Variants in PUS7 observed in about 807,000 individuals in gnomAD.
PUS7 encodes the protein pseudouridylate synthase 7 homolog.
PUS7 carries 48 observed loss-of-function variants against 79.8 expected under a neutral mutation model. That is an observed-to-expected ratio of 0.60 (90% CI 0.48 to 0.76). The LOEUF is 0.76. PUS7 is among the 30% of genes least tolerant of loss of function. The pLI, the probability that PUS7 is intolerant of heterozygous loss-of-function variation, is 0.00. For synonymous variants in PUS7, 286 were observed against 272.2 expected (o/e 1.05, Z -0.50); for missense variants, 729 against 797.6 (o/e 0.91, Z 1.04).
intron 11 of PUS7, 190 bp downstream of exon 11, chr7:105,470,498 G>A: frequency 4.2e-6 from 2 of 476,444 alleles, no homozygotes; most frequent in Non-Finnish European, 3.5e-6. Flanking sequence ...AATAAGTAAT[G>A]CCCGCATCCA....
Position 105,483,495 on chromosome 7 carries a change from C to T in PUS7, c.921-1055G>A, listed in dbSNP as rs569982382. Among the ~76,000 whole-genome samples, 5 of 152,088 alleles carry T rather than the reference C, an allele frequency of 3.3e-5. No homozygotes were observed. The South Asian group carries it at 1.0e-3, about 32-fold the overall frequency. On this transcript the variant is annotated intron_variant, in intron 7 of 15. Coordinates refer to ENST00000469408, the MANE Select transcript of PUS7 (RefSeq NM_019042.5). ...TTATATTTTTAGTAGAGACGGGTTT[C>T]ACCATGTTGGCCAGGCTGGTCTTGA...
chr7:105,495,964 A>G (rs1824996248), intron 5 of PUS7, among the ~76,000 whole-genome samples: 1 of 151,860 alleles, frequency 6.6e-6, no homozygotes, highest in South Asian at 2.1e-4. Flanking sequence ...GTTTGAGACA[A>G]GCCTGGCCAA....
rs1169907996 is a variant in PUS7, at chr7:105,522,215, A to G, written c.-196T>C. 1.3e-5 allele frequency: 2 copies of G among 151,300 alleles called. No individual in the cohort carries two copies. The highest frequency in any genetic ancestry group is 4.9e-5 in the African/African-American group (2 of 41,210). 9.4% of individuals were successfully genotyped at this position (151,300 alleles called of 1,614,324 possible). A position where few individuals can be genotyped will look rare whatever the true frequency, so the allele number is the denominator to read the frequency against. ...CGGAGGACCAGATGCGCTCCAGCCG[A>G]CTCACCGGCGGCCGGGCTCGCACAC... On this transcript the variant is annotated 5_prime_UTR_variant, in exon 1 of 16. Coordinates refer to ENST00000469408, the MANE Select transcript of PUS7 (RefSeq NM_019042.5).
chr7:105,495,765 A>C (rs972632490), intron 5 of PUS7, among the ~76,000 whole-genome samples: 11 of 151,964 alleles, frequency 7.2e-5, no homozygotes, highest in Non-Finnish European at 1.5e-4. Context: ...TAAAAGAAAA[A>C]CATTTTTAAT....
rs182332364 is a variant in PUS7 at position 105,494,989 on chromosome 7, A to G, written c.842+153T>C. 8.0e-3 allele frequency among the ~76,000 whole-genome samples: 1,191 copies of G among 149,730 alleles called. 19 individuals are homozygous for G. Among genetic ancestry groups the G allele is most frequent in the African/African-American group, 0.02 (793 of 40,250 alleles). On this transcript the variant is annotated intron_variant, in intron 6 of 15. Coordinates refer to ENST00000469408, the MANE Select transcript of PUS7 (RefSeq NM_019042.5). Reference sequence around the variant, plus strand: ...GAGACTGTCTAAAAAAAAAAAAAAAAAAAGAAAGAAAGAAAGAAAGAAAAC... The same window carrying G: ...GAGACTGTCTAAAAAAAAAAAAAAAGAAAGAAAGAAAGAAAGAAAGAAAAC...
chr7:105,475,879 C>T (rs1824088294), intron 9 of PUS7, among the ~76,000 whole-genome samples: 1 of 151,992 alleles, frequency 6.6e-6, no homozygotes. Context: ...TGTAAGACAC[C>T]ATTCTACTTT....
At chr7:105,492,655 G>C (rs1429902600) in intron 6 of PUS7, among the ~76,000 whole-genome samples, 1 of 151,340 alleles carries the variant, frequency 6.6e-6, no homozygotes. Flanking sequence ...ACAGGCGCCC[G>C]CCACTACGCC....
chr7:105,462,558 T>C, intron 14 of PUS7, 63 bp downstream of exon 14: 1 of 1,582,196 alleles, frequency 6.3e-7, no homozygotes. Flanking sequence ...CTATATAAAG[T>C]GAAGCAAAAG....
intron 5 of PUS7, chr7:105,495,476 G>A (rs904816815): frequency 2.9e-6 from 1 of 344,004 alleles, no homozygotes; most frequent in African/African-American, 2.1e-5. Context: ...AAATGTGGCT[G>A]GGCACGGTGG....
intron 14 of PUS7, among the ~76,000 whole-genome samples, chr7:105,459,529 CTGGG>C (rs1416704258): frequency 6.6e-6 from 1 of 151,626 alleles, no homozygotes; most frequent in African/African-American, 2.4e-5. Flanking sequence ...CCTCTGCCTC[CTGGG>C]TTCAATCAAT....
chr7:105,480,076 T>C (rs1486672767), intron 9 of PUS7, among the ~76,000 whole-genome samples: 2 of 152,112 alleles, frequency 1.3e-5, no homozygotes, highest in African/African-American at 4.8e-5. Flanking sequence ...TTAACACAGA[T>C]CAGAAAATGT....
chr7:105,461,002 G>A (rs865785689), intron 14 of PUS7, among the ~76,000 whole-genome samples: 1 of 152,114 alleles, frequency 6.6e-6, no homozygotes, highest in Non-Finnish European at 1.5e-5. Context: ...CAAACAGCTG[G>A]GACTACAGAT....
Position 105,482,353 on chromosome 7 carries a change from T to C in PUS7, c.1008A>G (p.Lys336=), listed in dbSNP as rs768136334. Residue 336 remains lysine (K), a synonymous_variant, in exon 8 of 16, where the codon AAA becomes AAG. Coordinates refer to ENST00000469408, the MANE Select transcript of PUS7 (RefSeq NM_019042.5). ...GNFSYQKNPL[K]LGELQGNHFT... is the part of the protein sequence containing the mutation. ...AGTGGTTTCCTTGAAGCTCTCCCAA[T>C]TTCAGTGGGTTTTTTTGATAGCTGA... 69 of 1,613,334 alleles carry C rather than the reference T, an allele frequency of 4.3e-5. No individual in the cohort carries two copies. Among genetic ancestry groups the C allele is most frequent in the Non-Finnish European group, 5.8e-5 (69 of 1,179,570 alleles).
In PUS7 at chr7:105,465,361, C is replaced by T. The variant is rs752495637; in HGVS notation, c.1579G>A (p.Val527Met). 2 of 1,613,728 alleles carry T rather than the reference C, an allele frequency of 1.2e-6. No individual in the cohort carries two copies. The highest frequency in any genetic ancestry group is 2.7e-5 in the African/African-American group (2 of 74,914). ...DDVNNYSIHDVVMPLPGFDVI... is the reference protein window; with the variant it reads ...DDVNNYSIHDMVMPLPGFDVI... ...TCGAAACCAGGCAAGGGCATTACCA[C>T]ATCATGGATAGAGTAATTATTAACA... The change falls in exon 13 of 16, where the codon GTG becomes ATG. Residue 527 changes from valine (V) to methionine (M), a missense_variant. Physicochemically the swap from Val to Met is conservative, Grantham distance 21 (BLOSUM62 1). Coordinates refer to ENST00000469408, the MANE Select transcript of PUS7 (RefSeq NM_019042.5).
intron 5 of PUS7, among the ~76,000 whole-genome samples, chr7:105,500,756 A>C (rs1222982278): frequency 1.3e-5 from 2 of 152,186 alleles, no homozygotes; most frequent in African/African-American, 4.8e-5. Context: ...GCTACACACT[A>C]TCCTTGGGAG....
intron 7 of PUS7, among the ~76,000 whole-genome samples, chr7:105,485,218 C>T (rs183617007): frequency 8.8e-4 from 133 of 150,694 alleles, no homozygotes; most frequent in African/African-American, 3.2e-3. Context: ...TTGTTGTCGT[C>T]GTTGTTTTTT....
rs57080279 is a variant in PUS7 at position 105,482,444 on chromosome 7, TAAA to T, written c.921-7_921-5del. On this transcript the variant is annotated splice_region_variant and splice_polypyrimidine_tract_variant and intron_variant, in intron 7 of 15. Coordinates refer to ENST00000469408, the MANE Select transcript of PUS7 (RefSeq NM_019042.5). ...GGCAAGTCTTTGTGCAGTTATTCTTTAAAAAAAAAAAAAAAAGCAACAAAACAA... is the reference window on the plus strand; with the variant it reads ...GGCAAGTCTTTGTGCAGTTATTCTTTAAAAAAAAAAAAAGCAACAAAACAA... The T allele has an allele frequency of 1.1e-3, 1,552 of 1,438,800 alleles. No individual in the cohort carries two copies. Among genetic ancestry groups the T allele is most frequent in the Middle Eastern group, 2.2e-3 (11 of 5,070 alleles). 89.1% of individuals were successfully genotyped at this position (1,438,800 alleles called of 1,614,324 possible).
Position 105,502,509 on chromosome 7 carries a change from A to G in PUS7, c.641T>C (p.Leu214Pro). 1 of 1,614,022 alleles carries G rather than the reference A, an allele frequency of 6.2e-7. No individual in the cohort carries two copies. The highest frequency in any genetic ancestry group is 8.5e-7 in the Non-Finnish European group (1 of 1,179,888). ...TGTTTTTGTCTCTAATCCTGGAAAC[A>G]GAGATTTGATAGCCTGATGGATGAT... ...RTIIHQAIKSLFPGLETKTED... is the reference protein window; with the variant it reads ...RTIIHQAIKSPFPGLETKTED... Residue 214 changes from leucine to proline, a missense_variant, in exon 5 of 16, where the codon CTG (leucine) becomes CCG (proline). Transcript: ENST00000469408.
intron 1 of PUS7, among the ~76,000 whole-genome samples, chr7:105,514,796 ATT>A (rs1461495782): frequency 6.9e-6 from 1 of 145,638 alleles, no homozygotes. Flanking sequence ...ATTCTCTCTC[ATT>A]TTTTTTTTTT....
Sources: gnomAD v4.1 joint callset for allele counts (sites outside exome capture counted in the v4.1 genomes callset) on GRCh38, gnomAD v4.1.1 for gene constraint, MANE v1.5 for transcripts, NCBI Gene and HGNC (gene_info 2026-07-23, HGNC 2026-07-21) for gene names.